TMEM123: variants seen among roughly 807,000 people sequenced by gnomAD.
TMEM123 encodes porimin.
A neutral mutation model predicts 19.7 loss-of-function variants in TMEM123; 16 were observed. The ratio of observed to expected loss-of-function variants is 0.81; its 90% CI spans 0.55 to 1.23. The LOEUF (loss-of-function observed/expected upper bound fraction) is 1.23, where lower values mean the gene tolerates loss of function less well. TMEM123 is among the 50% of genes most tolerant of loss of function. The pLI is 0.00. For synonymous variants in TMEM123, 118 were observed against 99.4 expected, an observed-to-expected ratio of 1.19 and a Z score of -1.12; for missense variants, 313 against 257.8, an observed-to-expected ratio of 1.21 and a Z score of -1.47.
chr11:102,402,388 G>C (rs1483663340), intron 2 of TMEM123, among the ~76,000 whole-genome samples, 182 bp from the exon 3 acceptor site: 2 of 151,550 alleles, frequency 1.3e-5, no homozygotes, highest in Non-Finnish European at 2.9e-5. Flanking sequence ...ACTAGTAAAA[G>C]ACTCAACAGA....
At position 102,429,919 on chromosome 11, in the gene TMEM123, C is replaced by T. The variant is rs142690918; in HGVS notation, c.157+18893G>A. Among the ~76,000 whole-genome samples the T allele has an allele frequency of 4.1e-4, 62 of 152,278 alleles. No homozygotes were observed. In the East Asian group the frequency reaches 0.011, roughly 26 times the overall value. ...CAAAAGCCACAGGGCCTGAACAACC[C>T]GAGCATCTCCAGAAGCAGCCTGTGC... is the stretch of plus-strand genomic sequence containing the variant. On this transcript the variant is annotated intron_variant, in intron 2 of 4. Coordinates refer to ENST00000398136, the MANE Select transcript of TMEM123 (RefSeq NM_052932.3).
chr11:102,399,628 T>C (rs769771709), intron 4 of TMEM123, among the ~76,000 whole-genome samples: 5 of 152,224 alleles, frequency 3.3e-5, no homozygotes, highest in Non-Finnish European at 5.9e-5. Flanking sequence ...TAAAGTGAGT[T>C]TGATATGATA....
At chr11:102,414,673 T>C (rs567442344) in intron 2 of TMEM123, among the ~76,000 whole-genome samples, 1 of 152,298 alleles carries the variant, frequency 6.6e-6, no homozygotes, top group South Asian at 2.1e-4. Flanking sequence ...CCACCAGACT[T>C]GCCTTAGAAG....
At chr11:102,449,129 C>T (rs1414488452) in intron 1 of TMEM123, 1 of 333,046 alleles carries the variant, frequency 3.0e-6, no homozygotes, top group African/African-American at 2.1e-5. Context: ...TACCAGCCAC[C>T]GAATGCAACA....
chr11:102,427,132 T>C (rs1000975678), intron 2 of TMEM123, among the ~76,000 whole-genome samples: 1 of 151,434 alleles, frequency 6.6e-6, no homozygotes, highest in African/African-American at 2.4e-5. Context: ...ACTATACATA[T>C]CTTTATCCTC....
intron 2 of TMEM123, among the ~76,000 whole-genome samples, chr11:102,404,876 A>C (rs1951942480): frequency 6.6e-6 from 1 of 152,134 alleles, no homozygotes; most frequent in South Asian, 2.1e-4. Context: ...CTGGGATTAC[A>C]GGCTAAGCCA....
intron 2 of TMEM123, among the ~76,000 whole-genome samples, chr11:102,429,003 A>G (rs571084460): frequency 5.3e-5 from 8 of 152,226 alleles, no homozygotes; most frequent in Non-Finnish European, 1.2e-4. Context: ...GTCTGGAGGG[A>G]CTACGAGTGG....
intron 1 of TMEM123, among the ~76,000 whole-genome samples, chr11:102,449,616 G>A (rs1857918675): frequency 6.6e-6 from 1 of 152,036 alleles, no homozygotes; most frequent in Non-Finnish European, 1.5e-5. Flanking sequence ...TACTTCTTGG[G>A]CAAATTTCTT....
intron 2 of TMEM123, among the ~76,000 whole-genome samples, chr11:102,416,495 G>T (rs1952044790): frequency 6.6e-6 from 1 of 152,038 alleles, no homozygotes; most frequent in African/African-American, 2.4e-5. Flanking sequence ...TCAATAATGA[G>T]TTCTGACATA....
rs142373849 is a variant in TMEM123, at chr11:102,424,688, C to CA, written c.158-22483dup. Among the ~76,000 whole-genome samples, 1,039 of 142,052 alleles carry CA rather than the reference C, an allele frequency of 7.3e-3. 17 individuals are homozygous for CA. Among genetic ancestry groups the CA allele is most frequent in the African/African-American group, 0.024 (915 of 38,726 alleles). 93.2% of individuals were successfully genotyped at this position (142,052 alleles called of 152,430 possible). Reference sequence around the variant, plus strand: ...TGGGTGACAGAGCAAGACCTTGTCTCAAAAAAAAAAAGAAACTCAGTAAGC... The same window carrying CA: ...TGGGTGACAGAGCAAGACCTTGTCTCAAAAAAAAAAAAGAAACTCAGTAAGC... On this transcript the variant is annotated intron_variant, in intron 2 of 4. Transcript: ENST00000398136.
intron 1 of TMEM123, chr11:102,449,389 T>C (rs1004910609): frequency 6.5e-6 from 1 of 153,734 alleles, no homozygotes; most frequent in Non-Finnish European, 1.4e-5. Context: ...ACCTTTAGAT[T>C]TGGAAAAAAT....
At chr11:102,416,268 T>G (rs1407529569) in intron 2 of TMEM123, among the ~76,000 whole-genome samples, 2 of 151,836 alleles carry the variant, frequency 1.3e-5, no homozygotes, top group Non-Finnish European at 2.9e-5. Context: ...CCAGCTAGAC[T>G]AATAAAGAAA....
intron 2 of TMEM123, among the ~76,000 whole-genome samples, chr11:102,445,983 T>C (rs1163430497): frequency 6.6e-6 from 1 of 152,164 alleles, no homozygotes; most frequent in Non-Finnish European, 1.5e-5. Context: ...TGGTGCAAGT[T>C]ATGTCCAAGA....
At chr11:102,411,533 C>T (rs965984281) in intron 2 of TMEM123, among the ~76,000 whole-genome samples, 8 of 152,090 alleles carry the variant, frequency 5.3e-5, no homozygotes, top group Admixed American at 1.3e-4. Flanking sequence ...AAGAGCTGAA[C>T]GTGCAATTAG....
chr11:102,437,609 T>C (rs538150173), intron 2 of TMEM123, among the ~76,000 whole-genome samples: 7 of 152,194 alleles, frequency 4.6e-5, no homozygotes, highest in Non-Finnish European at 8.8e-5. Flanking sequence ...GGAGGCATAC[T>C]TCAGGAAAGA....
chr11:102,428,332 C>T (rs1952146848), intron 2 of TMEM123, among the ~76,000 whole-genome samples: 1 of 152,018 alleles, frequency 6.6e-6, no homozygotes, highest in Non-Finnish European at 1.5e-5. Context: ...GATGGAGTCT[C>T]ACTCTGTCAC....
intron 2 of TMEM123, among the ~76,000 whole-genome samples, chr11:102,412,354 G>A (rs1952012594): frequency 6.6e-6 from 1 of 152,174 alleles, no homozygotes; most frequent in Non-Finnish European, 1.5e-5. Flanking sequence ...CTTGAACCCA[G>A]GAGGCGGAGG....
intron 2 of TMEM123, among the ~76,000 whole-genome samples, chr11:102,440,997 T>C (rs937142002): frequency 6.6e-6 from 1 of 152,102 alleles, no homozygotes; most frequent in Non-Finnish European, 1.5e-5. Context: ...GAGCTAACTA[T>C]CCTAAATATA....
At chr11:102,402,338 C>A (rs1038429242) in intron 2 of TMEM123, 132 bp from the exon 3 acceptor site, 31 of 890,218 alleles carry the variant, frequency 3.5e-5, no homozygotes, top group Non-Finnish European at 4.5e-5. Context: ...CATACTTAGC[C>A]CATTAATACT....
Sources: gnomAD v4.1 joint callset for allele counts (sites outside exome capture counted in the v4.1 genomes callset) on GRCh38, gnomAD v4.1.1 for gene constraint, MANE v1.5 for transcripts, NCBI Gene and HGNC (gene_info 2026-07-23, HGNC 2026-07-21) for gene names.